The following GABRG2 variants were observed in gnomAD, a reference collection of about 807,000 sequenced individuals.
The protein encoded by GABRG2 is gamma-aminobutyric acid type A receptor subunit gamma2, also known as gamma-aminobutyric acid receptor subunit gamma-2.
A neutral mutation model predicts 56.4 loss-of-function variants in GABRG2; 16 were observed. That is an observed-to-expected ratio of 0.28 (90% CI 0.19 to 0.43). The LOEUF (loss-of-function observed/expected upper bound fraction) is 0.43. Ranked by LOEUF, GABRG2 falls within the 20% of genes least tolerant of loss-of-function variation. The probability of loss-of-function intolerance (pLI) is 1.00; values close to 1 mark genes in which losing one functional copy is unlikely to be tolerated. For missense variants in GABRG2, 327 were observed against 582.7 expected (o/e 0.56, Z 4.52); for synonymous variants, 208 against 205.5 (o/e 1.01, Z -0.10).
At chr5:162,098,102 T>G in intron 4 of GABRG2, 2 of 525,772 alleles carry the variant, frequency 3.8e-6, no homozygotes, top group Non-Finnish European at 3.4e-6. Flanking sequence ...TGAAAACTAT[T>G]TTTTGTCACA....
chr5:162,090,267 C>T (rs981205314), intron 1 of GABRG2, among the ~76,000 whole-genome samples: 5 of 152,004 alleles, frequency 3.3e-5, no homozygotes, highest in South Asian at 2.1e-4. Flanking sequence ...TACACGTACA[C>T]GTACACGTAC....
In GABRG2 at chr5:162,153,784, G is replaced by T; in HGVS notation, c.*416G>T. 1 of 198,802 alleles carries T rather than the reference G, an allele frequency of 5.0e-6. No homozygotes were observed. The highest frequency in any genetic ancestry group is 1.0e-5 in the Non-Finnish European group (1 of 95,976). The allele number at this position is 198,802 out of a possible 1,614,324, so 12.3% of individuals were successfully genotyped here. ...AGTTGTGATAAATTTGATCCCAATA[G>T]AATACCTCCCTCATTTAAGAAAAAT... On this transcript the variant is annotated 3_prime_UTR_variant, in exon 10 of 10. Transcript: ENST00000639213.
At chr5:162,106,196 A>G (rs1025513759) in intron 6 of GABRG2, among the ~76,000 whole-genome samples, 1 of 152,212 alleles carries the variant, frequency 6.6e-6, no homozygotes, top group Non-Finnish European at 1.5e-5. Flanking sequence ...TCACAAGGCT[A>G]TTAATCTTCC....
At chr5:162,084,459 G>T (rs533067942) in intron 1 of GABRG2, among the ~76,000 whole-genome samples, 4 of 151,816 alleles carry the variant, frequency 2.6e-5, no homozygotes, top group Non-Finnish European at 5.9e-5. Context: ...AAGTCCAGGT[G>T]GTTCTATCAT....
intron 6 of GABRG2, among the ~76,000 whole-genome samples, chr5:162,136,978 G>A (rs1239948930): frequency 6.6e-6 from 1 of 152,100 alleles, no homozygotes; most frequent in Non-Finnish European, 1.5e-5. Context: ...GGACCTGGTT[G>A]GCAGGAGATA....
intron 1 of GABRG2, chr5:162,083,497 C>T (rs1759820805): frequency 5.7e-6 from 1 of 174,986 alleles, no homozygotes; most frequent in African/African-American, 2.4e-5. Context: ...ATTTTGTATT[C>T]TAGAAGAAAA....
chr5:162,105,052 T>G (rs1205511002), intron 6 of GABRG2, among the ~76,000 whole-genome samples: 1 of 152,220 alleles, frequency 6.6e-6, no homozygotes, highest in Admixed American at 6.5e-5. Flanking sequence ...TTGAAGCATA[T>G]TTCCAAGAGT....
At chr5:162,133,466 T>C (rs1763899378) in intron 6 of GABRG2, among the ~76,000 whole-genome samples, 1 of 152,142 alleles carries the variant, frequency 6.6e-6, no homozygotes, top group African/African-American at 2.4e-5. Context: ...AAACATGTTT[T>C]AATATCTAGT....
chr5:162,071,388 C>G (rs1302905855), intron 1 of GABRG2, among the ~76,000 whole-genome samples: 1 of 151,274 alleles, frequency 6.6e-6, no homozygotes, highest in East Asian at 1.9e-4. Context: ...TTGTAATATA[C>G]TTAGAGTGAC....
At chr5:162,076,702 A>G (rs1759140712) in intron 1 of GABRG2, among the ~76,000 whole-genome samples, 3 of 152,326 alleles carry the variant, frequency 2.0e-5, no homozygotes, top group East Asian at 1.9e-4. Context: ...CTTGATGGTC[A>G]GGTCTATATT....
At chr5:162,106,000 CAA>C (rs1273088615) in intron 6 of GABRG2, among the ~76,000 whole-genome samples, 1 of 151,866 alleles carries the variant, frequency 6.6e-6, no homozygotes, top group African/African-American at 2.4e-5. Flanking sequence ...GTTTTGAGCC[CAA>C]GAGTGGTATG....
At chr5:162,140,955 A>G (rs986995483) in intron 6 of GABRG2, among the ~76,000 whole-genome samples, 3 of 152,180 alleles carry the variant, frequency 2.0e-5, no homozygotes, top group African/African-American at 7.2e-5. Flanking sequence ...GCATCGCTAC[A>G]TGGTTATTCC....
intron 6 of GABRG2, among the ~76,000 whole-genome samples, chr5:162,113,577 C>T (rs571670653): frequency 2.6e-5 from 4 of 152,156 alleles, no homozygotes; most frequent in Non-Finnish European, 5.9e-5. Flanking sequence ...GCCAACAAGA[C>T]TCAAAGATGA....
intron 6 of GABRG2, among the ~76,000 whole-genome samples, chr5:162,105,801 G>A (rs1341635297): frequency 2.0e-5 from 2 of 100,674 alleles, no homozygotes; most frequent in Non-Finnish European, 3.8e-5. Flanking sequence ...TTCCATTGGC[G>A]AAAGAAAACA....
In GABRG2 at chr5:162,117,561, A is replaced by G. The variant is rs191034722; in HGVS notation, c.769+13535A>G. 5.7e-3 allele frequency among the ~76,000 whole-genome samples: 868 copies of G among 152,282 alleles called. 12 individuals carry two copies. The highest frequency in any genetic ancestry group is 0.02 in the African/African-American group (828 of 41,576). On this transcript the variant is annotated intron_variant, in intron 6 of 9. Transcript: ENST00000639213. Reference sequence around the variant, plus strand: ...TGTATTTAATCTTAACAATTGAGCTACGATTTAACCTTTTCTTTAATGAAG... The same window carrying G: ...TGTATTTAATCTTAACAATTGAGCTGCGATTTAACCTTTTCTTTAATGAAG...
chr5:162,067,615 CAA>C (rs1417646977), upstream of GABRG2: 2 of 485,452 alleles, frequency 4.1e-6, no homozygotes, highest in Non-Finnish European at 7.2e-6. Flanking sequence ...TAAATAACCC[CAA>C]AGAGATGGAC....
chr5:162,094,278 G>A (rs1339820860), intron 2 of GABRG2: 2 of 388,490 alleles, frequency 5.1e-6, no homozygotes, highest in Non-Finnish European at 9.5e-6. Context: ...CCTTTATGAA[G>A]CAACATAAAC....
chr5:162,099,597 A>T (rs1761261872), intron 4 of GABRG2: 1 of 152,180 alleles, frequency 6.6e-6, no homozygotes, highest in Admixed American at 6.5e-5. Context: ...TCTAGTGGGT[A>T]CAAAATTCGC....
In GABRG2 at chr5:162,122,441, A is replaced by G. The variant is rs184218607; in HGVS notation, c.769+18415A>G. On this transcript the variant is annotated intron_variant, in intron 6 of 9. Transcript: ENST00000639213. ...TAACTGAATACATTTAAAAAATTAAATGATTATAGAATTTACTTCCACTGA... is the reference window on the plus strand; with the variant it reads ...TAACTGAATACATTTAAAAAATTAAGTGATTATAGAATTTACTTCCACTGA... Among the ~76,000 whole-genome samples the G allele has an allele frequency of 1.1e-3, 169 of 152,004 alleles. 1 individual carries two copies. The highest frequency in any genetic ancestry group is 3.9e-3 in the African/African-American group (164 of 41,544).
Sources: allele counts gnomAD v4.1 joint callset (sites outside exome capture counted in the v4.1 genomes callset), GRCh38; gene constraint gnomAD v4.1.1; transcripts MANE v1.5; gene names NCBI Gene and HGNC (gene_info 2026-07-23, HGNC 2026-07-21).